The following FNIP2 variants were observed in gnomAD, a reference collection of about 807,000 sequenced individuals.
FNIP2 encodes folliculin-interacting protein 2.
A neutral mutation model predicts 108.7 loss-of-function variants in FNIP2; 32 were observed. The ratio of observed to expected loss-of-function variants is 0.29; its 90% CI spans 0.22 to 0.40. The LOEUF (loss-of-function observed/expected upper bound fraction) is 0.40, where lower values mean the gene tolerates loss of function less well. Ranked by LOEUF, FNIP2 falls within the 10% of genes least tolerant of loss-of-function variation. FNIP2 has a pLI of 1.00. For missense variants in FNIP2, 1,202 were observed against 1,381.6 expected, an observed-to-expected ratio of 0.87 and a Z score of 2.06; for synonymous variants, 480 against 496.7, an observed-to-expected ratio of 0.97 and a Z score of 0.45.
chr4:158,838,522 A>C (rs1055084548), intron 7 of FNIP2, among the ~76,000 whole-genome samples: 17 of 152,188 alleles, frequency 1.1e-4, no homozygotes, highest in African/African-American at 4.1e-4. Context: ...CGCCTAGCCT[A>C]GGCCTGCAAT....
At position 158,869,033 on chromosome 4, in the gene FNIP2, AGGCAGCAGAAACGACAT is replaced by A; in HGVS notation, c.2407_2423del (p.Asn803TyrfsTer10). 6.2e-7 allele frequency: 1 copy of A among 1,614,040 alleles called. No individual in the cohort carries two copies. Among genetic ancestry groups the A allele is most frequent in the Non-Finnish European group, 8.5e-7 (1 of 1,179,898 alleles). ...CTGACAAGGGTTTTGCAGAGGACAG[AGGCAGCAGAAACGACAT>A]GGCAGCAGATATTGCTGGGCAGCTC... On this transcript the variant is annotated frameshift_variant, in exon 13 of 17. Transcript: ENST00000264433. LOFTEE classifies it high-confidence loss of function.
At chr4:158,773,263 C>A (rs1775754967) in intron 1 of FNIP2, among the ~76,000 whole-genome samples, 1 of 152,162 alleles carries the variant, frequency 6.6e-6, no homozygotes, top group Non-Finnish European at 1.5e-5. Flanking sequence ...TGGCACACTC[C>A]TTACATCATA....
At position 158,889,503 on chromosome 4, in the gene FNIP2, A is replaced by G. The variant is rs112993313; in HGVS notation, c.2950-1943A>G. On this transcript the variant is annotated intron_variant, in intron 14 of 16. Transcript: ENST00000264433. ...GGATTGACACACTCTTCCCTTCCCT[A>G]CCACTGCAGTGGGAAGATCATTTAG... Among the ~76,000 whole-genome samples, 1,226 of 152,186 alleles carry G rather than the reference A, an allele frequency of 8.1e-3. 18 individuals carry two copies. Among genetic ancestry groups the G allele is most frequent in the African/African-American group, 0.028 (1,145 of 41,510 alleles).
At chr4:158,872,073 T>A (rs1395079521) in intron 14 of FNIP2, 1 of 985,258 alleles carries the variant, frequency 1.0e-6, no homozygotes, top group Admixed American at 6.1e-5. Context: ...GGACCTTCCT[T>A]CCATGAAGCC....
chr4:158,779,872 C>T (rs753728982), intron 1 of FNIP2, among the ~76,000 whole-genome samples: 1 of 151,698 alleles, frequency 6.6e-6, no homozygotes, highest in Non-Finnish European at 1.5e-5. Context: ...GCATAAGCCA[C>T]CTTGCCTGAC....
chr4:158,870,554 G>C, intron 14 of FNIP2, 85 bp downstream of exon 14: 1 of 1,491,740 alleles, frequency 6.7e-7, no homozygotes, highest in Non-Finnish European at 9.1e-7. Flanking sequence ...AGACTGAAGA[G>C]AGACTAGTTA....
At chr4:158,874,943 C>T (rs1578957301) in intron 14 of FNIP2, among the ~76,000 whole-genome samples, 1 of 149,580 alleles carries the variant, frequency 6.7e-6, no homozygotes, top group Admixed American at 6.7e-5. Context: ...AAAAAGTTGC[C>T]AGGTGTGGCA....
intron 7 of FNIP2, among the ~76,000 whole-genome samples, chr4:158,839,884 C>T (rs1779027583): frequency 6.6e-6 from 1 of 152,156 alleles, no homozygotes; most frequent in South Asian, 2.1e-4. Flanking sequence ...TATAGAATGT[C>T]TTTGGAAAAA....
chr4:158,864,267 G>A (rs138302131), intron 12 of FNIP2, among the ~76,000 whole-genome samples: 103 of 152,216 alleles, frequency 6.8e-4, no homozygotes, highest in Middle Eastern at 6.8e-3. Context: ...GGGCTCAAGC[G>A]ATCCAACTGC....
intron 16 of FNIP2, among the ~76,000 whole-genome samples, chr4:158,897,149 G>A (rs943063492): frequency 1.4e-4 from 21 of 152,230 alleles, no homozygotes; most frequent in Non-Finnish European, 2.2e-4. Flanking sequence ...AGCCTCATCC[G>A]TGTCCCTGCA....
intron 14 of FNIP2, among the ~76,000 whole-genome samples, chr4:158,878,615 C>T (rs896475870): frequency 2.0e-5 from 3 of 152,054 alleles, no homozygotes; most frequent in South Asian, 2.1e-4. Context: ...GCTTATGAGA[C>T]GCATATAGGA....
At chr4:158,809,132 T>C (rs1245970226) in intron 1 of FNIP2, among the ~76,000 whole-genome samples, 2 of 152,148 alleles carry the variant, frequency 1.3e-5, no homozygotes, top group African/African-American at 4.8e-5. Context: ...GGCTTGTCAG[T>C]AAAAATTCCT....
chr4:158,869,207 T>C lies in FNIP2; in HGVS notation c.2571T>C (p.Cys857=). Residue 857 remains cysteine, a synonymous_variant, in exon 13 of 17, where the codon TGT becomes TGC. Transcript: ENST00000264433. ...GPVLEPVAPR[C]VQRGPGLVAG... ...TGCTGGAGCCTGTTGCCCCCAGGTG[T>C]GTCCAGCGGGGCCCTGGCCTCGTGG... is the stretch of plus-strand genomic sequence containing the variant. 4 of 1,614,040 alleles carry C rather than the reference T, an allele frequency of 2.5e-6. No homozygotes were observed. Among genetic ancestry groups the C allele is most frequent in the Non-Finnish European group, 3.4e-6 (4 of 1,179,896 alleles).
intron 12 of FNIP2, among the ~76,000 whole-genome samples, chr4:158,864,956 G>A (rs563605309): frequency 1.0e-4 from 15 of 150,746 alleles, no homozygotes; most frequent in East Asian, 2.0e-4. Context: ...TGCTCTCTCC[G>A]TCTCTCCCTC....
intron 12 of FNIP2, among the ~76,000 whole-genome samples, chr4:158,866,501 A>G (rs1416262247): frequency 1.3e-5 from 2 of 151,506 alleles, no homozygotes; most frequent in Non-Finnish European, 2.9e-5. Flanking sequence ...TACAGGTGTG[A>G]GCCACCGTGC....
intron 8 of FNIP2, among the ~76,000 whole-genome samples, chr4:158,853,131 A>G (rs908170190): frequency 6.6e-6 from 1 of 152,202 alleles, no homozygotes; most frequent in South Asian, 2.1e-4. Context: ...TGATGTCATA[A>G]TTTTATATTA....
chr4:158,833,445 T>C, intron 5 of FNIP2, 83 bp from the exon 6 acceptor site: 1 of 770,890 alleles, frequency 1.3e-6, no homozygotes, highest in Non-Finnish European at 2.2e-6. Context: ...TGTCTATATT[T>C]GGAAGTCTAT....
At chr4:158,790,055 A>G (rs1776358871) in intron 1 of FNIP2, among the ~76,000 whole-genome samples, 1 of 152,044 alleles carries the variant, frequency 6.6e-6, no homozygotes, top group African/African-American at 2.4e-5. Flanking sequence ...AAACTGCTAC[A>G]TATGCAAAAT....
chr4:158,812,804 G>A (rs532021057), intron 1 of FNIP2, among the ~76,000 whole-genome samples: 47 of 151,330 alleles, frequency 3.1e-4, no homozygotes, highest in Middle Eastern at 3.4e-3. Context: ...TATTCTATAG[G>A]TTTTGACAAA....
Sources: allele counts gnomAD v4.1 joint callset (sites outside exome capture counted in the v4.1 genomes callset), GRCh38; gene constraint gnomAD v4.1.1; transcripts MANE v1.5; gene names NCBI Gene and HGNC (gene_info 2026-07-23, HGNC 2026-07-21).